Variants in CLEC16A observed in about 807,000 individuals in gnomAD.
The protein encoded by CLEC16A is C-type lectin domain containing 16A.
CLEC16A carries 51 observed loss-of-function variants against 109.5 expected under a neutral mutation model. That is an observed-to-expected ratio of 0.47 (90% confidence interval 0.37 to 0.59). The LOEUF (loss-of-function observed/expected upper bound fraction) is 0.59, where lower values mean the gene tolerates loss of function less well. CLEC16A is among the 20% of genes least tolerant of loss of function. The pLI is 0.00. For synonymous variants in CLEC16A, 673 were observed against 564.2 expected (o/e 1.19, Z -2.73); for missense variants, 1,339 against 1,394.0 (o/e 0.96, Z 0.63).
At chr16:10,994,318 C>T (rs114236737) in intron 10 of CLEC16A, among the ~76,000 whole-genome samples, 255 of 152,330 alleles carry the variant, frequency 1.7e-3, no homozygotes, top group African/African-American at 5.8e-3. Flanking sequence ...TTTGGTTCCA[C>T]AGCTCCACGC....
intron 22 of CLEC16A, chr16:11,157,239 T>C (rs2054567564): frequency 8.3e-7 from 1 of 1,207,776 alleles, no homozygotes; most frequent in Middle Eastern, 2.7e-4. Context: ...AGGTGCAGCC[T>C]AGTCAGTGAT....
intron 22 of CLEC16A, among the ~76,000 whole-genome samples, chr16:11,136,887 GA>G (rs2053592264): frequency 6.6e-6 from 1 of 152,224 alleles, no homozygotes; most frequent in African/African-American, 2.4e-5. Flanking sequence ...ACAGCTCTGG[GA>G]AGCTAGTGTC....
At chr16:10,989,003 C>T (rs1211792136) in intron 10 of CLEC16A, among the ~76,000 whole-genome samples, 1 of 152,136 alleles carries the variant, frequency 6.6e-6, no homozygotes, top group East Asian at 1.9e-4. Context: ...AAACAGACAC[C>T]ATGCGCCCTT....
intron 19 of CLEC16A, among the ~76,000 whole-genome samples, chr16:11,077,486 A>G (rs1022014640): frequency 5.5e-4 from 83 of 151,210 alleles, no homozygotes; most frequent in Non-Finnish European, 6.8e-4. Flanking sequence ...AAAAAAAAAA[A>G]AAAGAAAGAA....
intron 1 of CLEC16A, among the ~76,000 whole-genome samples, chr16:10,951,211 G>A (rs1224631231): frequency 2.0e-5 from 3 of 152,124 alleles, no homozygotes; most frequent in South Asian, 4.1e-4. Context: ...CTCATCTGTC[G>A]GTGGAGAGTT....
At chr16:11,159,082 C>T (rs1033035700) in intron 22 of CLEC16A, among the ~76,000 whole-genome samples, 1 of 152,178 alleles carries the variant, frequency 6.6e-6, no homozygotes, top group Non-Finnish European at 1.5e-5. Context: ...GGTGTTATGT[C>T]AAAATCCAGA....
chr16:11,109,565 C>T (rs922205279), intron 19 of CLEC16A, among the ~76,000 whole-genome samples: 25 of 152,222 alleles, frequency 1.6e-4, no homozygotes, highest in Admixed American at 9.8e-4. Context: ...CCCTGCACCA[C>T]CCACAGGCCA....
At chr16:11,101,431 A>G (rs2050907252) in intron 19 of CLEC16A, among the ~76,000 whole-genome samples, 1 of 152,178 alleles carries the variant, frequency 6.6e-6, no homozygotes. Context: ...GGCCCATGGT[A>G]CATGCCCCTT....
intron 4 of CLEC16A, among the ~76,000 whole-genome samples, chr16:10,970,652 C>T (rs1328471874): frequency 1.3e-5 from 2 of 152,264 alleles, no homozygotes; most frequent in African/African-American, 2.4e-5. Flanking sequence ...AATCCCCCCT[C>T]CTTGGCCTCC....
At chr16:11,115,527 T>A (rs1172847756) in intron 19 of CLEC16A, among the ~76,000 whole-genome samples, 1 of 152,074 alleles carries the variant, frequency 6.6e-6, no homozygotes, top group Non-Finnish European at 1.5e-5. Flanking sequence ...CACATGCCAC[T>A]ACAGCCAGTT....
chr16:10,998,033 T>G (rs984081546), intron 10 of CLEC16A, among the ~76,000 whole-genome samples: 5 of 152,218 alleles, frequency 3.3e-5, no homozygotes, highest in Admixed American at 6.5e-5. Context: ...TTTGGTTGTT[T>G]CCATCCTCCC....
chr16:11,109,429 C>T (rs2051432655), intron 19 of CLEC16A, among the ~76,000 whole-genome samples: 1 of 152,172 alleles, frequency 6.6e-6, no homozygotes, highest in African/African-American at 2.4e-5. Flanking sequence ...AATGGGATTA[C>T]AGGTATGAGC....
At position 10,987,327 on chromosome 16, in the gene CLEC16A, A is replaced by C. The variant is rs1003999465; in HGVS notation, c.1071+4336A>C. 2.0e-5 allele frequency among the ~76,000 whole-genome samples: 3 copies of C among 152,194 alleles called. No homozygotes were observed. The South Asian group carries it at 6.2e-4, about 32-fold the overall frequency. On this transcript the variant is annotated intron_variant, in intron 10 of 23. Transcript: ENST00000409790. Reference sequence around the variant, plus strand: ...ATATTGACAGTGATACATAGGATTTATGTTTGAGCAAAAGCAAACTGCGGG... The same window carrying C: ...ATATTGACAGTGATACATAGGATTTCTGTTTGAGCAAAAGCAAACTGCGGG...
Position 11,126,027 on chromosome 16 carries a change from G to C in CLEC16A, c.2522G>C (p.Gly841Ala), listed in dbSNP as rs1002956467. The change falls in exon 22 of 24, where the codon GGA (glycine) becomes GCA (alanine). Residue 841 changes from glycine to alanine, a missense_variant. By Grantham distance (60) the Gly-to-Ala change is moderately conservative. Around this residue, in one of 3 missense-constraint regions of CLEC16A, gnomAD observed 1,061 missense variants for 1,006.8 expected, o/e 1.05. Transcript: ENST00000409790. ...CCCACCACTGAAGTCCTGGGGTTTG[G>C]ACTCGGCTCCTCCACCTCCACTCAG... is the stretch of plus-strand genomic sequence containing the variant. ...IQPTTEVLGF[G>A]LGSSTSTQHL... The C allele has an allele frequency of 5.0e-6, 8 of 1,613,352 alleles. No individual in the cohort carries two copies. The highest frequency in any genetic ancestry group is 6.8e-6 in the Non-Finnish European group (8 of 1,179,838).
chr16:11,003,030 T>C, intron 10 of CLEC16A, 44 bp from the exon 11 acceptor site: 2 of 1,482,412 alleles, frequency 1.3e-6, no homozygotes, highest in Non-Finnish European at 1.8e-6. Flanking sequence ...CCAGCAGGAT[T>C]CTAGTGTTCA....
chr16:11,120,533 A>G (rs1316495509), intron 19 of CLEC16A, 82 bp from the exon 20 acceptor site: 4 of 1,426,848 alleles, frequency 2.8e-6, no homozygotes, highest in Non-Finnish European at 3.8e-6. Context: ...TGCTCCTGAT[A>G]GAATGAGAGT....
In CLEC16A at chr16:11,123,866, A is replaced by G; in HGVS notation, c.2393A>G (p.His798Arg). The G allele has an allele frequency of 6.2e-7, 1 of 1,613,966 alleles. No individual in the cohort carries two copies. The highest frequency in any genetic ancestry group is 8.5e-7 in the Non-Finnish European group (1 of 1,179,892). Residue 798 changes from histidine (H) to arginine (R), a missense_variant, in exon 21 of 24, where the codon CAC becomes CGC. His to Arg is a conservative substitution (Grantham distance 29, BLOSUM62 0). This residue lies in a region of CLEC16A where 1,061 missense variants were observed against 1,006.8 expected (regional missense o/e 1.05). Transcript: ENST00000409790. ...ILQATFIFSD[H>R]IRCIIAKQRL... is the part of the protein sequence containing the mutation. ...CAGGCCACCTTCATCTTCTCAGACCACATCCGCTGCATCATCGCCAAGCAG... is the reference window on the plus strand; with the variant it reads ...CAGGCCACCTTCATCTTCTCAGACCGCATCCGCTGCATCATCGCCAAGCAG...
intron 12 of CLEC16A, among the ~76,000 whole-genome samples, chr16:11,021,792 C>T (rs1276968507): frequency 2.0e-5 from 3 of 152,124 alleles, no homozygotes; most frequent in African/African-American, 7.2e-5. Context: ...ATGAGACTCT[C>T]GCTCAGAATA....
intron 19 of CLEC16A, among the ~76,000 whole-genome samples, chr16:11,073,472 C>A (rs941974329): frequency 1.3e-5 from 2 of 152,204 alleles, no homozygotes; most frequent in Admixed American, 1.3e-4. Flanking sequence ...CATGGCCTTG[C>A]GCCACGCTGC....
Sources: allele counts gnomAD v4.1 joint callset (sites outside exome capture counted in the v4.1 genomes callset), GRCh38; gene constraint gnomAD v4.1.1; regional missense constraint gnomAD v4.1.1; transcripts MANE v1.5; gene names NCBI Gene and HGNC (gene_info 2026-07-23, HGNC 2026-07-21).